Variants in PKHD1 observed in about 807,000 individuals in gnomAD.
PKHD1 encodes fibrocystin.
A neutral mutation model predicts 412.0 loss-of-function variants in PKHD1; 291 were observed. The observed-to-expected ratio is 0.71, with a 90% confidence interval of 0.64 to 0.78. PKHD1 has a LOEUF of 0.78. PKHD1 is among the 30% of genes least tolerant of loss of function. The pLI, the probability that PKHD1 is intolerant of heterozygous loss-of-function variation, is 0.00. For missense variants in PKHD1, 4,825 were observed against 4,950.7 expected, an observed-to-expected ratio of 0.97 and a Z score of 0.76; for synonymous variants, 1,777 against 1,821.5, an observed-to-expected ratio of 0.98 and a Z score of 0.62.
chr6:51,987,316 C>G (rs987700375), intron 35 of PKHD1, among the ~76,000 whole-genome samples: 2 of 152,230 alleles, frequency 1.3e-5, no homozygotes, highest in South Asian at 4.2e-4. Flanking sequence ...ATAATAATAA[C>G]AAGAATAATA....
At chr6:51,688,514 A>C (rs987221905) in intron 60 of PKHD1, among the ~76,000 whole-genome samples, 5 of 152,204 alleles carry the variant, frequency 3.3e-5, no homozygotes, top group East Asian at 1.9e-4. Context: ...CACACACAAA[A>C]AAAAAAATTC....
chr6:51,834,734 A>G (rs1768890106), intron 51 of PKHD1, among the ~76,000 whole-genome samples: 2 of 152,206 alleles, frequency 1.3e-5, no homozygotes, highest in East Asian at 1.9e-4. Context: ...GATGAAGGAT[A>G]TTGTACTAAA....
chr6:52,015,787 G>T (rs1374962119), intron 34 of PKHD1, among the ~76,000 whole-genome samples: 1 of 151,242 alleles, frequency 6.6e-6, no homozygotes, highest in African/African-American at 2.4e-5. Flanking sequence ...TCTTGCCACT[G>T]CACTCCAGCC....
At chr6:51,968,563 C>T (rs934203990) in intron 35 of PKHD1, among the ~76,000 whole-genome samples, 16 of 152,158 alleles carry the variant, frequency 1.1e-4, no homozygotes, top group Admixed American at 6.5e-5. Flanking sequence ...TCAGACATGT[C>T]CCAGCTTTAA....
chr6:51,746,887 C>T lies in PKHD1; in HGVS notation c.9832G>A (p.Val3278Ile), dbSNP rs774901197. ...CTCTTCACAAAACTAGAAAAGGTAA[C>T]ATCTGAAATTTTAAAAATATGTATC... ...SISGIMKLQD[V>I]TFSSFVKSCY... Residue 3278 changes from valine (V) to isoleucine (I), a missense_variant and splice_region_variant, in exon 59 of 67, where the codon GTT becomes ATT. Val to Ile is a conservative substitution (Grantham distance 29, BLOSUM62 3). Transcript: ENST00000371117. The T allele has an allele frequency of 2.1e-5, 34 of 1,585,716 alleles. No homozygotes were observed. In the South Asian group the frequency reaches 3.8e-4, roughly 18 times the overall value.
chr6:51,799,929 C>CT (rs1420136562), intron 52 of PKHD1, among the ~76,000 whole-genome samples: 1 of 152,148 alleles, frequency 6.6e-6, no homozygotes, highest in Admixed American at 6.6e-5. Flanking sequence ...CCACCGTGTC[C>CT]TGCCTTGGCT....
In PKHD1 at chr6:51,704,658, G is replaced by A. The variant is rs1446044527; in HGVS notation, c.10156+39727C>T. The stretch of plus-strand genomic sequence containing the variant: ...AACCGAGGGAGGTGCAGTCAAGGGT[G>A]ACTACTAATTTGGGAGACTGGGTGG... On this transcript the variant is annotated intron_variant, in intron 60 of 66. Transcript: ENST00000371117. Among the ~76,000 whole-genome samples, 6 of 152,076 alleles carry A rather than the reference G, an allele frequency of 3.9e-5. No homozygotes were observed. The East Asian group carries it at 1.2e-3, about 29-fold the overall frequency.
chr6:51,719,198 A>T (rs1400111962), intron 60 of PKHD1, among the ~76,000 whole-genome samples: 1 of 151,818 alleles, frequency 6.6e-6, no homozygotes, highest in Admixed American at 6.6e-5. Context: ...TAAGAGTTAG[A>T]TCATGTTTAA....
chr6:52,025,546 G>A lies in PKHD1; in HGVS notation c.4264C>T (p.Arg1422Trp), dbSNP rs776583949. 1.1e-5 allele frequency: 17 copies of A among 1,614,032 alleles called. No homozygotes were observed. Among genetic ancestry groups the A allele is most frequent in the East Asian group, 6.7e-5 (3 of 44,896 alleles). The change falls in exon 32 of 67, where the codon CGG (arginine) becomes TGG (tryptophan). Residue 1422 changes from arginine to tryptophan, a missense_variant. By Grantham distance (101) the Arg-to-Trp change is moderately radical. Coordinates refer to ENST00000371117, the MANE Select transcript of PKHD1 (RefSeq NM_138694.4). ...LLLNSRRRSV[R>W]VDLSGPFTCV... ...GTAAAAGGACCCGAGAGGTCAACCC[G>A]AACTGACCTCCTTCTAGAGTTAAGA...
At chr6:51,908,018 CT>C (rs1782377012) in intron 40 of PKHD1, among the ~76,000 whole-genome samples, 1 of 152,046 alleles carries the variant, frequency 6.6e-6, no homozygotes, top group East Asian at 1.9e-4. Context: ...CAATTGATAA[CT>C]TATTTGTGAC....
intron 60 of PKHD1, among the ~76,000 whole-genome samples, chr6:51,722,645 T>C (rs1782068071): frequency 6.6e-6 from 1 of 152,234 alleles, no homozygotes; most frequent in Non-Finnish European, 1.5e-5. Flanking sequence ...ATTACCACAT[T>C]GTAATATATA....
At chr6:51,646,351 T>G (rs1770084124) in intron 63 of PKHD1, among the ~76,000 whole-genome samples, 1 of 152,154 alleles carries the variant, frequency 6.6e-6, no homozygotes, top group Non-Finnish European at 1.5e-5. Context: ...ATGAAGAGTT[T>G]GAGGCTGTCA....
At chr6:51,866,556 A>G in intron 48 of PKHD1, among the ~76,000 whole-genome samples, 1 of 152,188 alleles carries the variant, frequency 6.6e-6, no homozygotes, top group Admixed American at 6.5e-5. Context: ...CACATTGACA[A>G]GTGCCTCTCC....
intron 23 of PKHD1, 43 bp downstream of exon 23, chr6:52,048,449 A>C (rs768509695): frequency 1.1e-5 from 18 of 1,596,636 alleles, no homozygotes; most frequent in South Asian, 4.4e-5. Context: ...TGTGAGTGAG[A>C]ATATGTGAGT....
At chr6:51,868,135 A>G (rs1263170082) in intron 47 of PKHD1, 26 bp from the exon 48 acceptor site, 1 of 1,595,198 alleles carries the variant, frequency 6.3e-7, no homozygotes, top group Non-Finnish European at 8.6e-7. Context: ...CAGAAAGATT[A>G]TTACACAATG....
chr6:52,081,010 A>G (rs1811951207), intron 4 of PKHD1, among the ~76,000 whole-genome samples: 1 of 152,178 alleles, frequency 6.6e-6, no homozygotes, highest in Non-Finnish European at 1.5e-5. Context: ...AATTATGTAC[A>G]TGTTTTTATG....
chr6:51,815,390 A>T (rs1214705991), intron 52 of PKHD1, among the ~76,000 whole-genome samples: 2 of 152,160 alleles, frequency 1.3e-5, no homozygotes, highest in Non-Finnish European at 2.9e-5. Flanking sequence ...GGATTCGGGG[A>T]CACTTTCTAG....
intron 14 of PKHD1, among the ~76,000 whole-genome samples, chr6:52,062,247 G>T (rs1808789956): frequency 6.6e-6 from 1 of 152,184 alleles, no homozygotes; most frequent in South Asian, 2.1e-4. Context: ...CAGTCTCCTG[G>T]CCTGCTCAGC....
intron 52 of PKHD1, among the ~76,000 whole-genome samples, chr6:51,813,049 T>C (rs77627839): frequency 2.0e-5 from 3 of 152,166 alleles, no homozygotes; most frequent in African/African-American, 7.2e-5. Context: ...ATACCTGACA[T>C]GCATTCATTG....
Sources: allele counts gnomAD v4.1 joint callset (sites outside exome capture counted in the v4.1 genomes callset), GRCh38; gene constraint gnomAD v4.1.1; transcripts MANE v1.5; gene names NCBI Gene and HGNC (gene_info 2026-07-23, HGNC 2026-07-21).